GSE1: variants seen among roughly 807,000 people sequenced by gnomAD.
GSE1 encodes the protein Gse1 coiled-coil protein, also known as genetic suppressor element 1.
In GSE1, 32 loss-of-function variants were observed where a neutral mutation model predicts 112.6. The ratio of observed to expected loss-of-function variants is 0.28; its 90% CI spans 0.21 to 0.38. The LOEUF is 0.38. Ranked by LOEUF, GSE1 falls within the 10% of genes least tolerant of loss-of-function variation. GSE1 has a pLI of 1.00. For synonymous variants in GSE1, 1,115 were observed against 735.6 expected (o/e 1.52, Z -8.35); for missense variants, 2,348 against 1,699.2 (o/e 1.38, Z -6.71).
chr16:85,599,462 G>T (rs2047372063), intron 1 of GSE1, among the ~76,000 whole-genome samples: 1 of 152,232 alleles, frequency 6.6e-6, no homozygotes, highest in Non-Finnish European at 1.5e-5. Flanking sequence ...TGAGGGAGGT[G>T]GGGGTGGTGA....
intron 1 of GSE1, among the ~76,000 whole-genome samples, chr16:85,589,670 G>C (rs956412497): frequency 6.6e-5 from 10 of 152,188 alleles, no homozygotes; most frequent in African/African-American, 2.2e-4. Context: ...GCAAATGTAT[G>C]GCGGTGTATG....
intron 1 of GSE1, among the ~76,000 whole-genome samples, chr16:85,206,276 C>G (rs2075114766): frequency 6.6e-6 from 1 of 152,032 alleles, no homozygotes; most frequent in South Asian, 2.1e-4. Flanking sequence ...GAAGCCCGGG[C>G]CGGAGACCTT....
intron 1 of GSE1, among the ~76,000 whole-genome samples, chr16:85,576,695 G>A (rs535875695): frequency 2.0e-5 from 3 of 152,306 alleles, no homozygotes; most frequent in South Asian, 2.1e-4. Context: ...TTTTAGAAAC[G>A]CTTTTCTTTC....
intron 1 of GSE1, among the ~76,000 whole-genome samples, chr16:85,245,890 T>C (rs1024504190): frequency 5.3e-5 from 8 of 151,626 alleles, no homozygotes; most frequent in Admixed American, 1.3e-4. Context: ...TGTGTGTGTG[T>C]GCGTGTGTGT....
At chr16:85,308,355 G>A (rs969558250) in intron 1 of GSE1, among the ~76,000 whole-genome samples, 1 of 152,184 alleles carries the variant, frequency 6.6e-6, no homozygotes, top group Non-Finnish European at 1.5e-5. Flanking sequence ...CCAGGGCAGA[G>A]AACGCCTTTT....
At chr16:85,304,465 G>T (rs2045611827) in intron 1 of GSE1, among the ~76,000 whole-genome samples, 1 of 152,218 alleles carries the variant, frequency 6.6e-6, no homozygotes, top group South Asian at 2.1e-4. Flanking sequence ...CCGCCCGCCA[G>T]GGGCAGTGCC....
Position 85,648,594 on chromosome 16 carries a change from C to T in GSE1, c.269C>T (p.Ala90Val), listed in dbSNP as rs755276325. ...GAGTCGTCCCCCGTGTCCTCTCCGG[C>T]CACCAACCACAGCTCCCCCGCCAGC... The part of the protein sequence containing the change: ...SSESSPVSSP[A>V]TNHSSPASTP... The change falls in exon 3 of 16, where the codon GCC (alanine) becomes GTC (valine). Residue 90 changes from alanine (A) to valine (V), a missense_variant. Physicochemically the swap from Ala to Val is moderately conservative, Grantham distance 64 (BLOSUM62 0). Transcript: ENST00000253458. 6.2e-7 allele frequency: 1 copy of T among 1,604,550 alleles called. No homozygotes were observed. The highest frequency in any genetic ancestry group is 8.5e-7 in the Non-Finnish European group (1 of 1,175,388).
rs116129539 is a variant in GSE1, at chr16:85,211,473, G to A, written c.2283+39666G>A. ...GTTCCTGTCCCACTCTGCCACTGCC[G>A]CGCTGTGTCACCTTAGACAAGTCAC... is the stretch of plus-strand genomic sequence containing the variant. On this transcript the variant is annotated intron_variant, in intron 1 of 2. Coordinates refer to the GSE1 transcript ENST00000637419. 3.9e-3 allele frequency among the ~76,000 whole-genome samples: 598 copies of A among 152,330 alleles called. 6 individuals carry two copies. The highest frequency in any genetic ancestry group is 0.013 in the African/African-American group (561 of 41,584).
Position 85,269,363 on chromosome 16 carries a change from T to G in GSE1, c.2284-88100T>G, listed in dbSNP as rs1414649080. On this transcript the variant is annotated intron_variant, in intron 1 of 2. Transcript: ENST00000637419. Reference sequence around the variant, plus strand: ...GGCTGGGAGGCGAGCGTAATTGACTTGTAACATACAGACCGTGGCAGGCTG... The same window carrying G: ...GGCTGGGAGGCGAGCGTAATTGACTGGTAACATACAGACCGTGGCAGGCTG... 2.7e-5 allele frequency among the ~76,000 whole-genome samples: 4 copies of G among 149,248 alleles called. 1 individual carries two copies. The highest frequency in any genetic ancestry group is 1.3e-4 in the Admixed American group (2 of 15,042).
Position 85,613,656 on chromosome 16 carries a change from C to T in GSE1, c.7+258C>T, listed in dbSNP as rs1411462727. ...GCTCCGGGCTCAGGAGTGCGCTCAG[C>T]GGGGGATGGGGGGGGTGCGTTTAAG... On this transcript the variant is annotated intron_variant, in intron 1 of 15. Coordinates refer to ENST00000253458, the MANE Select transcript of GSE1 (RefSeq NM_014615.5). 5.6e-5 allele frequency among the ~76,000 whole-genome samples: 5 copies of T among 88,514 alleles called. 1 individual carries two copies. The highest frequency in any genetic ancestry group is 2.1e-4 in the African/African-American group (5 of 23,578). The allele number at this position is 88,514 out of a possible 152,430, so 58.1% of individuals were successfully genotyped here.
chr16:85,414,106 C>T (rs989491663), intron 2 of GSE1, among the ~76,000 whole-genome samples: 38 of 152,154 alleles, frequency 2.5e-4, no homozygotes, highest in Non-Finnish European at 5.9e-5. Context: ...AGTGTGAGAA[C>T]GGACTAACAC....
chr16:85,641,013 C>A (rs1301203964), intron 2 of GSE1, among the ~76,000 whole-genome samples: 1 of 152,232 alleles, frequency 6.6e-6, no homozygotes, highest in African/African-American at 2.4e-5. Flanking sequence ...AGTGGGGAGC[C>A]CTGGGCAGGG....
intron 1 of GSE1, among the ~76,000 whole-genome samples, chr16:85,223,454 T>C (rs4782693): frequency 0.44 from 66,548 of 149,754 alleles, 15,235 homozygotes; most frequent in African/African-American, 0.56. Flanking sequence ...ACCCGGGAGG[T>C]GGAGGCTGCA....
chr16:85,635,612 G>C (rs1477451249), intron 2 of GSE1, among the ~76,000 whole-genome samples: 2 of 152,360 alleles, frequency 1.3e-5, no homozygotes, highest in Non-Finnish European at 2.9e-5. Context: ...AGCGAGGTCA[G>C]AGCTGGCCCA....
At chr16:85,539,157 G>A (rs1348443290) in intron 2 of GSE1, among the ~76,000 whole-genome samples, 2 of 152,252 alleles carry the variant, frequency 1.3e-5, no homozygotes, top group Non-Finnish European at 2.9e-5. Flanking sequence ...TAATTGGTGT[G>A]TTTGTCTTTC....
At chr16:85,623,698 C>T (rs893274072) in intron 1 of GSE1, among the ~76,000 whole-genome samples, 1 of 152,220 alleles carries the variant, frequency 6.6e-6, no homozygotes, top group African/African-American at 2.4e-5. Flanking sequence ...GTGTGGGCGT[C>T]CGCCCTGTTG....
chr16:85,239,151 C>G (rs1158654745), intron 1 of GSE1, among the ~76,000 whole-genome samples: 1 of 152,136 alleles, frequency 6.6e-6, no homozygotes, highest in Non-Finnish European at 1.5e-5. Context: ...AGGCTGGTCT[C>G]GAACTCCCGA....
intron 2 of GSE1, among the ~76,000 whole-genome samples, chr16:85,388,480 GTGGGTGGGTGGGTGGA>G (rs1305766945): frequency 1.6e-5 from 2 of 124,898 alleles, no homozygotes; most frequent in Admixed American, 8.0e-5. Flanking sequence ...GGATGGGTGG[GTGGGTGGGTGGGTGGA>G]TGGATGGATG....
At chr16:85,480,097 C>T (rs1345403050) in intron 2 of GSE1, among the ~76,000 whole-genome samples, 1 of 152,218 alleles carries the variant, frequency 6.6e-6, no homozygotes, top group Non-Finnish European at 1.5e-5. Flanking sequence ...CTCACAACAT[C>T]CTCAACGTCC....
Sources: gnomAD v4.1 joint callset for allele counts (sites outside exome capture counted in the v4.1 genomes callset) on GRCh38, gnomAD v4.1.1 for gene constraint, MANE v1.5 for transcripts, NCBI Gene and HGNC (gene_info 2026-07-23, HGNC 2026-07-21) for gene names.